Variants in KALRN observed in about 807,000 individuals in gnomAD.
The protein encoded by KALRN is kalirin RhoGEF kinase.
KALRN carries 70 observed loss-of-function variants against 353.7 expected under a neutral mutation model. That is an observed-to-expected ratio of 0.20 (90% CI 0.16 to 0.24). The LOEUF (loss-of-function observed/expected upper bound fraction) is 0.24. Among genes scored for constraint, KALRN ranks in the 10% least tolerant of loss-of-function variants. KALRN has a pLI of 1.00. For synonymous variants in KALRN, 1,391 were observed against 1,434.8 expected (o/e 0.97, Z 0.69); for missense variants, 2,791 against 3,756.7 (o/e 0.74, Z 6.72).
intron 18 of KALRN, 119 bp from the exon 19 acceptor site, chr3:124,441,826 A>C: frequency 1.7e-6 from 1 of 579,460 alleles, no homozygotes; most frequent in Non-Finnish European, 2.9e-6. Context: ...ACTCTGTCTC[A>C]AAAAAGAAAA....
At chr3:124,590,884 G>A (rs532374783) in intron 34 of KALRN, among the ~76,000 whole-genome samples, 64 of 152,246 alleles carry the variant, frequency 4.2e-4, no homozygotes, top group African/African-American at 1.5e-3. Flanking sequence ...GGAGAAAATG[G>A]AGATCCAGCC....
rs556792401 is a variant in KALRN at position 124,612,264 on chromosome 3, C to G, written c.5183-20156C>G. 2.0e-5 allele frequency among the ~76,000 whole-genome samples: 3 copies of G among 152,248 alleles called. No homozygotes were observed. The South Asian group carries it at 6.2e-4, about 32-fold the overall frequency. On this transcript the variant is annotated intron_variant, in intron 34 of 59. Transcript: ENST00000682506. ...TATTACCCAGGCTGGAGTGCAATGG[C>G]ATGATCTCGGCTCACCACAACCTCT...
intron 33 of KALRN, among the ~76,000 whole-genome samples, chr3:124,526,865 G>T (rs1233202773): frequency 2.6e-5 from 4 of 152,098 alleles, no homozygotes; most frequent in Non-Finnish European, 5.9e-5. Flanking sequence ...TGACTCTCAA[G>T]AAGTACTGGG....
intron 33 of KALRN, among the ~76,000 whole-genome samples, chr3:124,511,164 A>G (rs1367067905): frequency 6.6e-6 from 1 of 151,910 alleles, no homozygotes; most frequent in Non-Finnish European, 1.5e-5. Context: ...TTTAACATTC[A>G]GGGCATACGT....
intron 36 of KALRN, among the ~76,000 whole-genome samples, chr3:124,634,647 T>A (rs2081159034): frequency 6.6e-6 from 1 of 152,192 alleles, no homozygotes; most frequent in Non-Finnish European, 1.5e-5. Flanking sequence ...GGGGCAGCTT[T>A]ATGTTCTCCC....
At chr3:124,098,481 G>A (rs949789009) in intron 1 of KALRN, among the ~76,000 whole-genome samples, 9 of 152,146 alleles carry the variant, frequency 5.9e-5, no homozygotes, top group African/African-American at 2.2e-4. Context: ...TATGTCTCCA[G>A]CCTCCCTGGC....
intron 1 of KALRN, among the ~76,000 whole-genome samples, chr3:124,049,507 A>G (rs1416247486): frequency 2.6e-5 from 4 of 152,216 alleles, no homozygotes; most frequent in Non-Finnish European, 5.9e-5. Context: ...TGGAAAAACA[A>G]AATGCTGACT....
rs964905662 is a variant in KALRN, at chr3:124,371,746, A to C, written c.1771-13099A>C. Reference sequence around the variant, plus strand: ...GCATGCAATGTGAAATAAACACAACATGGAGAATGGGGTGTCCATCCCCTC... The same window carrying C: ...GCATGCAATGTGAAATAAACACAACCTGGAGAATGGGGTGTCCATCCCCTC... On this transcript the variant is annotated intron_variant, in intron 10 of 59. Transcript: ENST00000682506. Among the ~76,000 whole-genome samples the C allele has an allele frequency of 2.0e-5, 3 of 152,220 alleles. No homozygotes were observed. The East Asian group carries it at 5.8e-4, about 29-fold the overall frequency.
chr3:124,158,269 A>G (rs1425197557), intron 1 of KALRN, among the ~76,000 whole-genome samples: 1 of 152,176 alleles, frequency 6.6e-6, no homozygotes, highest in Non-Finnish European at 1.5e-5. Flanking sequence ...GACTAGAAGG[A>G]CCTAGATGGG....
At chr3:124,674,296 G>A (rs1426341389) in intron 48 of KALRN, 68 bp from the exon 49 acceptor site, 9 of 1,539,790 alleles carry the variant, frequency 5.8e-6, no homozygotes, top group Non-Finnish European at 7.9e-6. Flanking sequence ...ACTGGGTAGG[G>A]TGCAGAGCAA....
intron 53 of KALRN, among the ~76,000 whole-genome samples, chr3:124,695,825 A>G (rs571900108): frequency 6.6e-6 from 1 of 152,276 alleles, no homozygotes; most frequent in South Asian, 2.1e-4. Context: ...TACTAATAAT[A>G]CTATGAGCCA....
chr3:124,086,653 A>G (rs2060841134), intron 1 of KALRN, among the ~76,000 whole-genome samples: 1 of 152,164 alleles, frequency 6.6e-6, no homozygotes, highest in Admixed American at 6.5e-5. Context: ...ATGTTTTTGC[A>G]ACTTTATCTA....
intron 1 of KALRN, among the ~76,000 whole-genome samples, chr3:124,165,583 G>T (rs371890978): frequency 2.0e-5 from 3 of 152,116 alleles, no homozygotes; most frequent in Non-Finnish European, 4.4e-5. Context: ...CCTTCTTTGC[G>T]TCTTCTGTTG....
chr3:124,233,966 T>C (rs1394326775), intron 2 of KALRN, among the ~76,000 whole-genome samples: 1 of 152,222 alleles, frequency 6.6e-6, no homozygotes, highest in Admixed American at 6.5e-5. Flanking sequence ...CTAAGCATAG[T>C]GTCCATTAAT....
At chr3:124,467,785 A>T (rs908859519) in intron 25 of KALRN, among the ~76,000 whole-genome samples, 2 of 152,170 alleles carry the variant, frequency 1.3e-5, no homozygotes, top group African/African-American at 4.8e-5. Context: ...CAATTCAGAA[A>T]TGTAGGGAGA....
At chr3:124,257,838 T>G (rs1292431309) in intron 3 of KALRN, among the ~76,000 whole-genome samples, 2 of 152,204 alleles carry the variant, frequency 1.3e-5, no homozygotes, top group East Asian at 3.8e-4. Flanking sequence ...TTGAAAAATA[T>G]TTTTAAATAA....
intron 33 of KALRN, among the ~76,000 whole-genome samples, chr3:124,557,271 G>A (rs1239666617): frequency 1.3e-5 from 2 of 152,076 alleles, no homozygotes; most frequent in East Asian, 3.9e-4. Flanking sequence ...GGGCAGGGGG[G>A]CGGTGATGTT....
At chr3:124,236,486 G>A (rs976374967) in intron 3 of KALRN, among the ~76,000 whole-genome samples, 1 of 152,164 alleles carries the variant, frequency 6.6e-6, no homozygotes, top group African/African-American at 2.4e-5. Flanking sequence ...ATTTACAATA[G>A]AAGTTTTCAT....
At chr3:124,266,662 G>C (rs1164545854) in intron 4 of KALRN, among the ~76,000 whole-genome samples, 1 of 152,156 alleles carries the variant, frequency 6.6e-6, no homozygotes, top group African/African-American at 2.4e-5. Flanking sequence ...TTTGTGCCCT[G>C]GGGGCCAGGA....
Sources: allele counts gnomAD v4.1 joint callset (sites outside exome capture counted in the v4.1 genomes callset), GRCh38; gene constraint gnomAD v4.1.1; transcripts MANE v1.5; gene names NCBI Gene and HGNC (gene_info 2026-07-23, HGNC 2026-07-21).